AP4E1: variants seen among roughly 807,000 people sequenced by gnomAD.
AP4E1 encodes the protein adaptor related protein complex 4 subunit epsilon 1, also known as AP-4 complex subunit epsilon-1.
Under a neutral mutation model 128.2 loss-of-function variants are expected in AP4E1, and 56 were observed. That is an observed-to-expected ratio of 0.44 (90% CI 0.35 to 0.55). The LOEUF is 0.55. Among genes scored for constraint, AP4E1 ranks in the 20% least tolerant of loss-of-function variants. AP4E1 has a pLI of 0.00. For synonymous variants in AP4E1, 484 were observed against 473.1 expected (o/e 1.02, Z -0.30); for missense variants, 1,324 against 1,307.7 (o/e 1.01, Z -0.19).
chr15:51,004,186 C>G lies in AP4E1; in HGVS notation c.*1524C>G, dbSNP rs978583986. On this transcript the variant is annotated 3_prime_UTR_variant, in exon 21 of 21. Coordinates refer to ENST00000261842, the MANE Select transcript of AP4E1 (RefSeq NM_007347.5). Reference sequence around the variant, plus strand: ...TTCATCCCCAGGCTCTCAGCAGTGTCATGATGAAATGAGTGTGCTGACTTC... The same window carrying G: ...TTCATCCCCAGGCTCTCAGCAGTGTGATGATGAAATGAGTGTGCTGACTTC... 1 of 152,232 alleles carries G rather than the reference C, an allele frequency of 6.6e-6. No homozygotes were observed. The highest frequency in any genetic ancestry group is 2.4e-5 in the African/African-American group (1 of 41,444). The allele number at this position is 152,232 out of a possible 1,614,324, so 9.4% of individuals were successfully genotyped here. A position where few individuals can be genotyped will look rare whatever the true frequency, so the allele number is the denominator to read the frequency against.
chr15:50,964,705 A>G (rs1345341937), intron 14 of AP4E1, among the ~76,000 whole-genome samples: 1 of 152,094 alleles, frequency 6.6e-6, no homozygotes, highest in Non-Finnish European at 1.5e-5. Context: ...TGGGCACAGT[A>G]GTATATTTTC....
chr15:50,965,503 A>G (rs929612968), intron 14 of AP4E1, among the ~76,000 whole-genome samples: 5 of 152,218 alleles, frequency 3.3e-5, no homozygotes, highest in Admixed American at 6.5e-5. Context: ...TCTCATTAGT[A>G]TTATTCCACA....
At chr15:50,973,308 C>G (rs1010403035) in intron 15 of AP4E1, among the ~76,000 whole-genome samples, 8 of 152,248 alleles carry the variant, frequency 5.3e-5, no homozygotes, top group African/African-American at 1.9e-4. Context: ...TAGAATGAGA[C>G]CAAAAAGTTA....
At chr15:50,941,195 C>T (rs898026110) in intron 8 of AP4E1, among the ~76,000 whole-genome samples, 14 of 152,096 alleles carry the variant, frequency 9.2e-5, no homozygotes, top group African/African-American at 3.1e-4. Flanking sequence ...TCAGTAAATA[C>T]TTGTTCCATT....
At chr15:50,988,794 G>C (rs184734387) in intron 16 of AP4E1, among the ~76,000 whole-genome samples, 21 of 152,128 alleles carry the variant, frequency 1.4e-4, no homozygotes, top group African/African-American at 4.6e-4. Context: ...GTAAGTCAGG[G>C]ACCATCCGTA....
In AP4E1 at chr15:50,966,066, C is replaced by T. The variant is rs139907903; in HGVS notation, c.1852-2197C>T. Among the ~76,000 whole-genome samples, 728 of 152,094 alleles carry T rather than the reference C, an allele frequency of 4.8e-3. 7 individuals are homozygous for T. The highest frequency in any genetic ancestry group is 0.016 in the African/African-American group (674 of 41,474). Reference sequence around the variant, plus strand: ...CTGAGTAGCTGGGACTACAGGTGCGCGCCACCACGCCTGGCTAATTTTTTC... The same window carrying T: ...CTGAGTAGCTGGGACTACAGGTGCGTGCCACCACGCCTGGCTAATTTTTTC... On this transcript the variant is annotated intron_variant, in intron 14 of 20. Coordinates refer to ENST00000261842, the MANE Select transcript of AP4E1 (RefSeq NM_007347.5).
intron 15 of AP4E1, among the ~76,000 whole-genome samples, chr15:50,969,612 A>G (rs1342011975): frequency 6.6e-6 from 1 of 151,520 alleles, no homozygotes; most frequent in Non-Finnish European, 1.5e-5. Context: ...CATATCCATC[A>G]TCTCAAACAT....
chr15:50,956,931 T>C (rs11854729), intron 13 of AP4E1, among the ~76,000 whole-genome samples: 21,699 of 152,202 alleles, frequency 0.14, 1,652 homozygotes, highest in South Asian at 0.19. Context: ...AGGGTGAGCA[T>C]GCAGGTGAGC....
chr15:51,000,209 A>G (rs556835757), intron 19 of AP4E1, among the ~76,000 whole-genome samples: 2 of 138,388 alleles, frequency 1.4e-5, no homozygotes, highest in Non-Finnish European at 3.0e-5. Context: ...GTGGCACACT[A>G]TGGCTCACTG....
intron 14 of AP4E1, among the ~76,000 whole-genome samples, chr15:50,959,294 G>T (rs906156368): frequency 6.6e-6 from 1 of 151,596 alleles, no homozygotes; most frequent in African/African-American, 2.4e-5. Context: ...ATTACAAAGA[G>T]AGAATTCTAA....
Position 50,915,738 on chromosome 15 carries a change from A to G in AP4E1, c.346+167A>G, listed in dbSNP as rs186411847. On this transcript the variant is annotated intron_variant, in intron 3 of 20. Transcript: ENST00000261842. Reference sequence around the variant, plus strand: ...AGAAAGTCAAAGCCATTTATAGGAAATCAGTTTTCCTGATGCATAGCATTT... The same window carrying G: ...AGAAAGTCAAAGCCATTTATAGGAAGTCAGTTTTCCTGATGCATAGCATTT... 69 of 843,890 alleles carry G rather than the reference A, an allele frequency of 8.2e-5. No individual in the cohort carries two copies. In the Admixed American group the frequency reaches 1.9e-3, roughly 24 times the overall value. 52.3% of individuals were successfully genotyped at this position (843,890 alleles called of 1,614,324 possible). A position where few individuals can be genotyped will look rare whatever the true frequency, so the allele number is the denominator to read the frequency against.
intron 15 of AP4E1, among the ~76,000 whole-genome samples, chr15:50,979,818 C>T (rs918043363): frequency 3.3e-5 from 5 of 152,114 alleles, no homozygotes; most frequent in African/African-American, 1.2e-4. Flanking sequence ...CCATAAATTT[C>T]TGTTCATTAT....
intron 4 of AP4E1, 89 bp downstream of exon 4, chr15:50,924,093 A>G (rs1486781875): frequency 3.6e-6 from 4 of 1,107,598 alleles, no homozygotes; most frequent in Non-Finnish European, 4.1e-6. Flanking sequence ...AGATGAGATT[A>G]GAAGAAAGTG....
intron 2 of AP4E1, among the ~76,000 whole-genome samples, chr15:50,913,482 C>G (rs548105455): frequency 4.1e-4 from 62 of 152,340 alleles, no homozygotes; most frequent in African/African-American, 1.5e-3. Flanking sequence ...TTTTATAACA[C>G]TATGGCCATC....
intron 3 of AP4E1, among the ~76,000 whole-genome samples, chr15:50,919,844 A>C (rs1378316543): frequency 6.6e-6 from 1 of 151,904 alleles, no homozygotes; most frequent in Non-Finnish European, 1.5e-5. Flanking sequence ...TGAGAGGCTT[A>C]GGTGGGCAGA....
intron 16 of AP4E1, among the ~76,000 whole-genome samples, chr15:50,985,812 A>G (rs1167017242): frequency 6.6e-6 from 1 of 152,154 alleles, no homozygotes; most frequent in East Asian, 1.9e-4. Context: ...TTGATTCCAT[A>G]TGAACTTTAA....
chr15:50,995,256 T>G (rs1227586620), intron 17 of AP4E1, among the ~76,000 whole-genome samples: 1 of 152,196 alleles, frequency 6.6e-6, no homozygotes, highest in Non-Finnish European at 1.5e-5. Flanking sequence ...CGTTCTCAGT[T>G]TCATACATCA....
chr15:50,913,447 A>G (rs1195087284), intron 2 of AP4E1, among the ~76,000 whole-genome samples: 1 of 152,258 alleles, frequency 6.6e-6, no homozygotes, highest in Non-Finnish European at 1.5e-5. Flanking sequence ...GGTAGAAATT[A>G]GGAAGGCAGA....
At chr15:50,941,596 C>G (rs2063989523) in intron 9 of AP4E1, 32 bp downstream of exon 9, 1 of 1,612,416 alleles carries the variant, frequency 6.2e-7, no homozygotes, top group Non-Finnish European at 8.5e-7. Context: ...ACAGAAATTA[C>G]AGAGATAGCT....
Sources: allele counts gnomAD v4.1 joint callset (sites outside exome capture counted in the v4.1 genomes callset), GRCh38; gene constraint gnomAD v4.1.1; transcripts MANE v1.5; gene names NCBI Gene and HGNC (gene_info 2026-07-23, HGNC 2026-07-21).